RPS6KC1: variants seen among roughly 807,000 people sequenced by gnomAD.
The protein encoded by RPS6KC1 is inactive ribosomal protein S6 kinase delta-1.
RPS6KC1 carries 54 observed loss-of-function variants against 103.8 expected under a neutral mutation model. That is an observed-to-expected ratio of 0.52 (90% CI 0.42 to 0.65). The LOEUF is 0.65. RPS6KC1 is among the 30% of genes least tolerant of loss of function. RPS6KC1 has a pLI of 0.00. For synonymous variants in RPS6KC1, 439 were observed against 438.7 expected, an observed-to-expected ratio of 1.00 and a Z score of -0.01; for missense variants, 1,151 against 1,253.8, an observed-to-expected ratio of 0.92 and a Z score of 1.24.
chr1:213,595,935 T>A, the RPS6KC1 span, among the ~76,000 whole-genome samples: 1 of 152,194 alleles, frequency 6.6e-6, no homozygotes, highest in Non-Finnish European at 1.5e-5. Context: ...TCCCAAGAAT[T>A]TTGTTATATT....
chr1:213,743,366 A>G, the RPS6KC1 span, among the ~76,000 whole-genome samples: 2 of 152,294 alleles, frequency 1.3e-5, no homozygotes, highest in East Asian at 3.9e-4. Context: ...TGAACAATAG[A>G]CACTGCAGAA....
chr1:213,356,448 A>T, the RPS6KC1 span, among the ~76,000 whole-genome samples: 1 of 152,100 alleles, frequency 6.6e-6, no homozygotes, highest in Admixed American at 6.5e-5. Context: ...TGAGGTCAGG[A>T]GTTCGAGACC....
chr1:213,209,082 C>T (rs1240661780), intron 8 of RPS6KC1, among the ~76,000 whole-genome samples: 1 of 152,006 alleles, frequency 6.6e-6, no homozygotes, highest in Non-Finnish European at 1.5e-5. Flanking sequence ...ACTATGTTGG[C>T]TACAGCCCGT....
chr1:213,403,284 G>T, the RPS6KC1 span, among the ~76,000 whole-genome samples: 2 of 152,152 alleles, frequency 1.3e-5, no homozygotes, highest in African/African-American at 4.8e-5. Flanking sequence ...TCTCACTGGG[G>T]AGTCCTGCTG....
At chr1:213,292,324 G>T in the RPS6KC1 span, among the ~76,000 whole-genome samples, 1 of 152,136 alleles carries the variant, frequency 6.6e-6, no homozygotes, top group African/African-American at 2.4e-5. Context: ...AGATCATGTT[G>T]ATAGGAAGCC....
intron 1 of RPS6KC1, among the ~76,000 whole-genome samples, chr1:213,061,222 A>T (rs1572260879): frequency 6.6e-6 from 1 of 152,244 alleles, no homozygotes; most frequent in African/African-American, 2.4e-5. Flanking sequence ...GGAGAAACAC[A>T]AACATTCAGT....
the RPS6KC1 span, chr1:213,731,494 A>G: frequency 3.3e-5 from 5 of 152,198 alleles, no homozygotes; most frequent in African/African-American, 1.2e-4. Context: ...CACTCCACTG[A>G]AATCTTAAGA....
chr1:213,590,327 AG>A, the RPS6KC1 span, among the ~76,000 whole-genome samples: 18 of 152,298 alleles, frequency 1.2e-4, no homozygotes, highest in African/African-American at 4.3e-4. Context: ...TCCTGGATGA[AG>A]GTGGAAGCCA....
chr1:213,266,389 A>G (rs774951945), intron 14 of RPS6KC1, among the ~76,000 whole-genome samples: 7 of 152,240 alleles, frequency 4.6e-5, no homozygotes, highest in Admixed American at 1.3e-4. Context: ...TGTTGTAAAT[A>G]AATAATTTAA....
chr1:213,379,707 G>C, the RPS6KC1 span, among the ~76,000 whole-genome samples: 6 of 152,260 alleles, frequency 3.9e-5, no homozygotes, highest in Admixed American at 2.6e-4. Context: ...TTCCTCCAAG[G>C]GTATCCTGCA....
At chr1:213,525,917 G>A in the RPS6KC1 span, among the ~76,000 whole-genome samples, 401 of 152,274 alleles carry the variant, frequency 2.6e-3, no homozygotes, top group African/African-American at 9.2e-3. Context: ...TGGAAACAGC[G>A]AGTATAAATG....
the RPS6KC1 span, among the ~76,000 whole-genome samples, chr1:213,764,162 A>G: frequency 1.3e-5 from 2 of 152,296 alleles, no homozygotes; most frequent in East Asian, 1.9e-4. Flanking sequence ...ACCTTCATGC[A>G]CTTGTTCAGG....
At chr1:213,537,369 G>A in the RPS6KC1 span, among the ~76,000 whole-genome samples, 1 of 152,132 alleles carries the variant, frequency 6.6e-6, no homozygotes, top group Non-Finnish European at 1.5e-5. Context: ...TTGCTTAATT[G>A]GAAGGGGGTT....
chr1:213,295,199 A>G, the RPS6KC1 span, among the ~76,000 whole-genome samples: 2 of 152,188 alleles, frequency 1.3e-5, no homozygotes, highest in Non-Finnish European at 2.9e-5. Context: ...CAGGAATCCA[A>G]TGGGATGATT....
chr1:213,290,865 T>C, the RPS6KC1 span, among the ~76,000 whole-genome samples: 20 of 152,196 alleles, frequency 1.3e-4, no homozygotes, highest in Non-Finnish European at 2.4e-4. Flanking sequence ...CTTGTACTTA[T>C]CCTGTTAGGC....
At chr1:213,860,458 G>T in the RPS6KC1 span, among the ~76,000 whole-genome samples, 1 of 151,984 alleles carries the variant, frequency 6.6e-6, no homozygotes, top group Non-Finnish European at 1.5e-5. Flanking sequence ...AGAGCTCACA[G>T]CTATAGGAGC....
the RPS6KC1 span, among the ~76,000 whole-genome samples, chr1:213,376,617 T>C: frequency 0.52 from 79,722 of 152,036 alleles, 23,101 homozygotes; most frequent in East Asian, 0.75. Context: ...CTGCTTCTCT[T>C]TCCCTTTCTA....
the RPS6KC1 span, among the ~76,000 whole-genome samples, chr1:213,774,015 G>T: frequency 6.6e-6 from 1 of 152,198 alleles, no homozygotes. Flanking sequence ...ATGCTGTCAG[G>T]GTATGTGTGG....
chr1:213,363,638 CTT>C, the RPS6KC1 span, among the ~76,000 whole-genome samples: 38 of 42,024 alleles, frequency 9.0e-4, 4 homozygotes, highest in African/African-American at 7.0e-3. Flanking sequence ...TTCTTTCTTT[CTT>C]TCTTTCTTTC....
Sources: allele counts gnomAD v4.1 joint callset (sites outside exome capture counted in the v4.1 genomes callset), GRCh38; gene constraint gnomAD v4.1.1; transcripts MANE v1.5; gene names NCBI Gene and HGNC (gene_info 2026-07-23, HGNC 2026-07-21).